The following KLF7 variants were observed in gnomAD, a reference collection of about 807,000 sequenced individuals.
KLF7 encodes the protein KLF transcription factor 7.
KLF7 carries 2 observed loss-of-function variants against 27.3 expected under a neutral mutation model. That is an observed-to-expected ratio of 0.07 (90% CI 0.03 to 0.23). The LOEUF (loss-of-function observed/expected upper bound fraction) is 0.23. KLF7 is among the 10% of genes least tolerant of loss of function. The pLI is 1.00. For synonymous variants in KLF7, 165 were observed against 162.4 expected (o/e 1.02, Z -0.12); for missense variants, 221 against 394.1 (o/e 0.56, Z 3.72).
intron 1 of KLF7, among the ~76,000 whole-genome samples, chr2:207,131,567 C>A (rs901560158): frequency 2.0e-5 from 3 of 152,204 alleles, no homozygotes; most frequent in Non-Finnish European, 4.4e-5. Flanking sequence ...TTCTAACTTA[C>A]TAGACGTGTT....
At position 207,125,551 on chromosome 2, in the gene KLF7, A is replaced by G. The variant is rs1314448410; in HGVS notation, c.103-1147T>C. Among the ~76,000 whole-genome samples the G allele has an allele frequency of 4.6e-5, 7 of 152,336 alleles. No individual in the cohort carries two copies. The South Asian group carries it at 1.4e-3, about 32-fold the overall frequency. ...CTGATTCTAGGCATTTATTCTGTTA[A>G]GAATATATTTTAATGATATACCTAG... is the stretch of plus-strand genomic sequence containing the variant. On this transcript the variant is annotated intron_variant, in intron 1 of 3. Transcript: ENST00000309446.
chr2:207,143,026 G>C (rs2106069050), intron 1 of KLF7, among the ~76,000 whole-genome samples: 1 of 152,238 alleles, frequency 6.6e-6, no homozygotes, highest in East Asian at 1.9e-4. Context: ...TGATATTCCT[G>C]AACCTAAATG....
chr2:207,168,062 A>T (rs1252094218), upstream of KLF7, among the ~76,000 whole-genome samples: 1 of 147,626 alleles, frequency 6.8e-6, no homozygotes, highest in Non-Finnish European at 1.5e-5. Context: ...AACTGGGGGG[A>T]TGGGCAGGAA....
rs1455237361 is a variant in KLF7 at position 207,078,249 on chromosome 2, ACT to A, written c.*2962_*2963del. The A allele has an allele frequency of 6.6e-6, 1 of 152,162 alleles. No homozygotes were observed. The highest frequency in any genetic ancestry group is 1.5e-5 in the Non-Finnish European group (1 of 68,044). 9.4% of individuals were successfully genotyped at this position (152,162 alleles called of 1,614,324 possible). A position where few individuals can be genotyped will look rare whatever the true frequency, so the allele number is the denominator to read the frequency against. On this transcript the variant is annotated 3_prime_UTR_variant, in exon 4 of 4. Transcript: ENST00000309446. ...GGCCAATTCTCACAGTCAACAAATGACTCTGAAGCAAGCAAGCACCACCATTG... is the reference window on the plus strand; with the variant it reads ...GGCCAATTCTCACAGTCAACAAATGACTGAAGCAAGCAAGCACCACCATTG...
intron 1 of KLF7, among the ~76,000 whole-genome samples, chr2:207,150,997 T>TAAAAAAAAAA (rs34218929): frequency 1.1e-5 from 1 of 90,340 alleles, no homozygotes; most frequent in Non-Finnish European, 2.0e-5. Context: ...TTCTCTTTAT[T>TAAAAAAAAAA]AAAAAAAAAA....
At chr2:207,109,024 G>A (rs1020361309) in intron 2 of KLF7, among the ~76,000 whole-genome samples, 1 of 152,116 alleles carries the variant, frequency 6.6e-6, no homozygotes, top group African/African-American at 2.4e-5. Flanking sequence ...TAATAAAGAG[G>A]ATTGCTAAGA....
chr2:207,123,652 G>T, intron 2 of KLF7, 122 bp downstream of exon 2: 2 of 1,082,968 alleles, frequency 1.8e-6, no homozygotes, highest in Non-Finnish European at 2.7e-6. Context: ...GGGGCCTCCC[G>T]CCTGTCTATC....
intron 2 of KLF7, among the ~76,000 whole-genome samples, chr2:207,120,120 T>C (rs562520502): frequency 5.8e-4 from 89 of 152,292 alleles, no homozygotes; most frequent in African/African-American, 2.0e-3. Flanking sequence ...CTTTACTTCC[T>C]TGGGCAACCT....
rs2105833918 is a variant in KLF7, at chr2:207,077,555, G to A, written c.*3658C>T. 1 of 152,184 alleles carries A rather than the reference G, an allele frequency of 6.6e-6. No homozygotes were observed. Among genetic ancestry groups the A allele is most frequent in the South Asian group, 2.1e-4 (1 of 4,822 alleles). 9.4% of individuals were successfully genotyped at this position (152,184 alleles called of 1,614,324 possible). A position where few individuals can be genotyped will look rare whatever the true frequency, so the allele number is the denominator to read the frequency against. On this transcript the variant is annotated 3_prime_UTR_variant, in exon 4 of 4. Coordinates refer to ENST00000309446, the MANE Select transcript of KLF7 (RefSeq NM_003709.4). ...GGAAAGCACACAGAGAGGAGGAAAT[G>A]GTCAGCATGAAGTTCATTTTGGGGT...
chr2:207,136,172 C>T lies in KLF7; in HGVS notation c.103-11768G>A, dbSNP rs146832523. ...CTGAATCTGAGTAGAGAATTCACTT[C>T]CTTCCCTGAAAAAAATGGATGAACC... On this transcript the variant is annotated intron_variant, in intron 1 of 3. Transcript: ENST00000309446. Among the ~76,000 whole-genome samples the T allele has an allele frequency of 3.2e-3, 490 of 152,238 alleles. 3 individuals carry two copies. In the Middle Eastern group the frequency reaches 0.034, roughly 11 times the overall value.
At position 207,123,949 on chromosome 2, in the gene KLF7, T is replaced by G. The variant is rs1381851784; in HGVS notation, c.558A>C (p.Ala186=). The G allele has an allele frequency of 2.3e-5, 37 of 1,614,064 alleles. No individual in the cohort carries two copies. The highest frequency in any genetic ancestry group is 2.9e-5 in the Non-Finnish European group (34 of 1,180,036). The change falls in exon 2 of 4, where the codon GCA becomes GCC. Residue 186 remains alanine (A), a synonymous_variant. Coordinates refer to ENST00000309446, the MANE Select transcript of KLF7 (RefSeq NM_003709.4). ...TAACGGCCCCCGCAGCCGTCACGGC[T>G]GCTGCAGCTGTTGCGACCCCTCCCA... ...VKVGGVATAA[A]AVTAAGAVKS... is the part of the protein sequence containing the mutation.
intron 2 of KLF7, among the ~76,000 whole-genome samples, chr2:207,103,220 G>A (rs1345211227): frequency 2.6e-5 from 4 of 152,138 alleles, no homozygotes; most frequent in East Asian, 3.9e-4. Flanking sequence ...GAGCCATCAC[G>A]GCCAATCAAG....
At chr2:207,082,463 A>G (rs1473404063) in intron 3 of KLF7, among the ~76,000 whole-genome samples, 1 of 152,176 alleles carries the variant, frequency 6.6e-6, no homozygotes, top group Non-Finnish European at 1.5e-5. Flanking sequence ...AGACAAATCT[A>G]ATTCTGTTCT....
intron 1 of KLF7, among the ~76,000 whole-genome samples, chr2:207,126,605 G>A (rs976939302): frequency 2.0e-5 from 3 of 152,128 alleles, no homozygotes; most frequent in Non-Finnish European, 4.4e-5. Context: ...GTAAAAATCA[G>A]TATGCCTGGG....
chr2:207,103,053 G>C (rs1036021431), intron 2 of KLF7, among the ~76,000 whole-genome samples: 3 of 152,078 alleles, frequency 2.0e-5, no homozygotes, highest in African/African-American at 7.2e-5. Context: ...TCAGCCTCCT[G>C]AGTAGCTGGG....
intron 2 of KLF7, among the ~76,000 whole-genome samples, chr2:207,091,351 T>C (rs933136236): frequency 6.6e-6 from 1 of 152,240 alleles, no homozygotes; most frequent in African/African-American, 2.4e-5. Context: ...TTCAGTGTCC[T>C]CGTGGCTGTG....
chr2:207,154,736 G>C (rs2106118231), intron 1 of KLF7, among the ~76,000 whole-genome samples: 1 of 152,292 alleles, frequency 6.6e-6, no homozygotes, highest in South Asian at 2.1e-4. Context: ...CTAGGTCAGA[G>C]AGCTGATTCT....
chr2:207,146,866 A>T (rs2078110892), intron 1 of KLF7, among the ~76,000 whole-genome samples: 1 of 152,152 alleles, frequency 6.6e-6, no homozygotes, highest in Non-Finnish European at 1.5e-5. Context: ...TGAATGCCCC[A>T]CTGATGCCCA....
Position 207,081,161 on chromosome 2 carries a change from C to A in KLF7, c.*52G>T. 6.5e-7 allele frequency: 1 copy of A among 1,546,280 alleles called. No individual in the cohort carries two copies. Among genetic ancestry groups the A allele is most frequent in the Non-Finnish European group, 8.9e-7 (1 of 1,118,536 alleles). On this transcript the variant is annotated 3_prime_UTR_variant, in exon 4 of 4. Coordinates refer to ENST00000309446, the MANE Select transcript of KLF7 (RefSeq NM_003709.4). ...TGAAGTCCAGCCCCCTGCCTCATGG[C>A]GTTTCCTTTAGACACTAGCCGATGC...
Sources: gnomAD v4.1 joint callset for allele counts (sites outside exome capture counted in the v4.1 genomes callset) on GRCh38, gnomAD v4.1.1 for gene constraint, MANE v1.5 for transcripts, NCBI Gene and HGNC (gene_info 2026-07-23, HGNC 2026-07-21) for gene names.